PKHD1L1: variants seen among roughly 807,000 people sequenced by gnomAD.
The protein encoded by PKHD1L1 is fibrocystin-L.
Under a neutral mutation model 462.9 loss-of-function variants are expected in PKHD1L1, and 434 were observed. That is an observed-to-expected ratio of 0.94 (90% CI 0.87 to 1.02). The LOEUF is 1.02. Among genes scored for constraint, PKHD1L1 ranks in the 50% least tolerant of loss-of-function variants. PKHD1L1 has a pLI of 0.00. For missense variants in PKHD1L1, 5,202 were observed against 5,096.1 expected, an observed-to-expected ratio of 1.02 and a Z score of -0.63; for synonymous variants, 1,781 against 1,750.0, an observed-to-expected ratio of 1.02 and a Z score of -0.44.
intron 38 of PKHD1L1, 37 bp from the exon 39 acceptor site, chr8:109,448,106 A>G (rs368665335): frequency 7.9e-6 from 12 of 1,514,350 alleles, no homozygotes; most frequent in Middle Eastern, 1.7e-4. Flanking sequence ...ATTAATAGTT[A>G]GATATATTTA....
Position 109,404,387 on chromosome 8 carries a change from A to T in PKHD1L1, c.1374-167A>T, listed in dbSNP as rs183530880. Reference sequence around the variant, plus strand: ...TACATAATTCATTTTATTTTGGCAAAATGCTGTGAAAATTTTAACATTTGA... The same window carrying T: ...TACATAATTCATTTTATTTTGGCAATATGCTGTGAAAATTTTAACATTTGA... On this transcript the variant is annotated intron_variant, in intron 14 of 77. Coordinates refer to ENST00000378402, the MANE Select transcript of PKHD1L1 (RefSeq NM_177531.6). 5.3e-5 allele frequency among the ~76,000 whole-genome samples: 8 copies of T among 152,290 alleles called. No individual in the cohort carries two copies. The East Asian group carries it at 1.5e-3, about 29-fold the overall frequency.
Position 109,510,853 on chromosome 8 carries a change from G to A in PKHD1L1, c.11472G>A (p.Leu3824=), listed in dbSNP as rs1429932899. Residue 3824 remains leucine, a synonymous_variant, in exon 71 of 78, where the codon CTG becomes CTA. Transcript: ENST00000378402. ...RLSLFHSIVA[L]NKSYEVYFTG... ...CCCTGTTTCACAGCATTGTGGCTCT[G>A]AACAAATCTTATGAAGTTTACTTCA... is the stretch of plus-strand genomic sequence containing the variant. 5 of 1,613,336 alleles carry A rather than the reference G, an allele frequency of 3.1e-6. No homozygotes were observed. The highest frequency in any genetic ancestry group is 4.2e-6 in the Non-Finnish European group (5 of 1,179,516).
chr8:109,440,912 C>T (rs1815749387), intron 33 of PKHD1L1, 60 bp downstream of exon 33: 7 of 1,524,296 alleles, frequency 4.6e-6, no homozygotes, highest in East Asian at 4.5e-5. Flanking sequence ...GGATATACTA[C>T]AGGTGCTGAG....
rs768085077 is a variant in PKHD1L1, at chr8:109,406,317, G to T, written c.1670-18G>T. The T allele has an allele frequency of 6.5e-7, 1 of 1,539,784 alleles. No individual in the cohort carries two copies. The highest frequency in any genetic ancestry group is 8.7e-7 in the Non-Finnish European group (1 of 1,143,204). On this transcript the variant is annotated intron_variant, in intron 16 of 77. Transcript: ENST00000378402. The stretch of plus-strand genomic sequence containing the variant: ...AACTTTTCTGTTTGTTTGTTTGTTT[G>T]TTTTAATCCAATCAAAGTCTTCCTA...
chr8:109,459,861 G>A (rs754070569), intron 47 of PKHD1L1, 25 bp downstream of exon 47: 3 of 1,586,268 alleles, frequency 1.9e-6, no homozygotes, highest in South Asian at 1.2e-5. Flanking sequence ...TCTCGTGGTT[G>A]GTATAATCAT....
chr8:109,389,185 A>C, intron 8 of PKHD1L1, 33 bp downstream of exon 8: 1 of 1,512,868 alleles, frequency 6.6e-7, no homozygotes, highest in Non-Finnish European at 9.2e-7. Context: ...CATAATGCTC[A>C]CAGATGCCTT....
chr8:109,439,153 A>T, intron 32 of PKHD1L1, 61 bp downstream of exon 32: 1 of 1,458,596 alleles, frequency 6.9e-7, no homozygotes, highest in Non-Finnish European at 9.4e-7. Context: ...TGGAATTGGG[A>T]TAGGAAAAGA....
intron 6 of PKHD1L1, among the ~76,000 whole-genome samples, chr8:109,388,108 T>C (rs144735442): frequency 3.3e-5 from 5 of 152,350 alleles, no homozygotes; most frequent in African/African-American, 1.2e-4. Flanking sequence ...CAAAACCTAT[T>C]ACAAAATTGT....
intron 50 of PKHD1L1, among the ~76,000 whole-genome samples, chr8:109,473,518 G>GAAAAA (rs1018548199): frequency 7.6e-6 from 1 of 131,068 alleles, no homozygotes; most frequent in Non-Finnish European, 1.7e-5. Context: ...TCCATCTCAA[G>GAAAAA]AAAAAAAAAA....
At position 109,454,156 on chromosome 8, in the gene PKHD1L1, A is replaced by G. The variant is rs377697594; in HGVS notation, c.6665-11A>G. ...TCCTTGTGATGTATTTCAAAATTGTATGATTCATAGGTGGGACTCTAATAT... is the reference window on the plus strand; with the variant it reads ...TCCTTGTGATGTATTTCAAAATTGTGTGATTCATAGGTGGGACTCTAATAT... On this transcript the variant is annotated splice_polypyrimidine_tract_variant and intron_variant, in intron 43 of 77. Coordinates refer to ENST00000378402, the MANE Select transcript of PKHD1L1 (RefSeq NM_177531.6). 1.0e-5 allele frequency: 16 copies of G among 1,579,018 alleles called. No homozygotes were observed. The highest frequency in any genetic ancestry group is 4.5e-5 in the East Asian group (2 of 44,184).
chr8:109,469,029 A>G (rs767110499), intron 50 of PKHD1L1, among the ~76,000 whole-genome samples: 17 of 151,642 alleles, frequency 1.1e-4, no homozygotes, highest in South Asian at 4.1e-4. Context: ...CTCAAGATCA[A>G]TCAATCAGCT....
chr8:109,389,513 T>A (rs1167949595), intron 8 of PKHD1L1, among the ~76,000 whole-genome samples: 1 of 103,712 alleles, frequency 9.6e-6, no homozygotes, highest in African/African-American at 4.1e-5. Context: ...TGTGTGTGTG[T>A]GTGTGTGTGT....
At chr8:109,425,042 T>C in intron 23 of PKHD1L1, 43 bp from the exon 24 acceptor site, 1 of 1,442,338 alleles carries the variant, frequency 6.9e-7, no homozygotes, top group Non-Finnish European at 9.3e-7. Flanking sequence ...TGTAAGCCAT[T>C]GTTAAGTTTA....
intron 16 of PKHD1L1, 25 bp from the exon 17 acceptor site, chr8:109,406,309 GT>G (rs1813530655): frequency 2.0e-6 from 3 of 1,529,188 alleles, no homozygotes; most frequent in Non-Finnish European, 1.8e-6. Context: ...CTGTTTGTTT[GT>G]TTGTTTGTTT....
Position 109,465,040 on chromosome 8 carries a change from G to T in PKHD1L1, c.8208G>T (p.Leu2736Phe), listed in dbSNP as rs78508697. ...KGLVLPFSEG[L>F]TVSSVHFMNF... ...TGGTTCTCCCATTTAGTGAAGGCTT[G>T]ACTGTCTCTTCTGTGCACTTTATGA... The change falls in exon 49 of 78, where the codon TTG becomes TTT. Residue 2736 changes from leucine to phenylalanine, a missense_variant. Coordinates refer to ENST00000378402, the MANE Select transcript of PKHD1L1 (RefSeq NM_177531.6). 1 of 1,613,800 alleles carries T rather than the reference G, an allele frequency of 6.2e-7. No homozygotes were observed. The highest frequency in any genetic ancestry group is 8.5e-7 in the Non-Finnish European group (1 of 1,179,804).
intron 8 of PKHD1L1, among the ~76,000 whole-genome samples, chr8:109,390,170 C>T (rs1318017169): frequency 6.6e-6 from 1 of 152,046 alleles, no homozygotes; most frequent in Non-Finnish European, 1.5e-5. Context: ...AATTTCAGGG[C>T]AATATGGTTA....
In PKHD1L1 at chr8:109,406,383, A is replaced by G; in HGVS notation, c.1718A>G (p.Asn573Ser). ...GAATTCATACTGCAATCAGCCTTGAATGACCTCTGGTCTATAAAACCGGAC... is the reference window on the plus strand; with the variant it reads ...GAATTCATACTGCAATCAGCCTTGAGTGACCTCTGGTCTATAAAACCGGAC... ...ASEFILQSAL[N>S]DLWSIKPDTV... Residue 573 changes from asparagine to serine, a missense_variant, in exon 17 of 78, where the codon AAT (asparagine) becomes AGT (serine). By Grantham distance (46) the Asn-to-Ser change is conservative (BLOSUM62 1). Around this residue, in one of 3 missense-constraint regions of PKHD1L1, gnomAD observed 4,497 missense variants for 4,336.8 expected, o/e 1.04. Transcript: ENST00000378402. 6.4e-7 allele frequency: 1 copy of G among 1,566,330 alleles called. No individual in the cohort carries two copies. The highest frequency in any genetic ancestry group is 8.7e-7 in the Non-Finnish European group (1 of 1,154,286).
Position 109,385,520 on chromosome 8 carries a change from T to A in PKHD1L1, c.476-17T>A, listed in dbSNP as rs746163502. On this transcript the variant is annotated splice_polypyrimidine_tract_variant and intron_variant, in intron 5 of 77. Coordinates refer to ENST00000378402, the MANE Select transcript of PKHD1L1 (RefSeq NM_177531.6). Reference sequence around the variant, plus strand: ...TTTCTTACACAGAATCTTTTTGGGGTTTTTGTTTGTTTTCAGGTACACTAA... The same window carrying A: ...TTTCTTACACAGAATCTTTTTGGGGATTTTGTTTGTTTTCAGGTACACTAA... The A allele has an allele frequency of 7.3e-6, 11 of 1,513,116 alleles. No homozygotes were observed. Among genetic ancestry groups the A allele is most frequent in the Non-Finnish European group, 9.0e-6 (10 of 1,105,992 alleles). 93.7% of individuals were successfully genotyped at this position (1,513,116 alleles called of 1,614,324 possible).
chr8:109,481,000 T>G (rs1818246169), intron 55 of PKHD1L1, among the ~76,000 whole-genome samples: 3 of 151,994 alleles, frequency 2.0e-5, no homozygotes, highest in Admixed American at 6.6e-5. Flanking sequence ...AAAGGATATA[T>G]GTGAAGCCTT....
Sources: allele counts gnomAD v4.1 joint callset (sites outside exome capture counted in the v4.1 genomes callset), GRCh38; gene constraint gnomAD v4.1.1; regional missense constraint gnomAD v4.1.1; transcripts MANE v1.5; gene names NCBI Gene and HGNC (gene_info 2026-07-23, HGNC 2026-07-21).